Variants in GUCY1A1 observed in about 807,000 individuals in gnomAD.
GUCY1A1 encodes the protein guanylate cyclase soluble subunit alpha-1.
A neutral mutation model predicts 64.5 loss-of-function variants in GUCY1A1; 48 were observed. The ratio of observed to expected loss-of-function variants is 0.74; its 90% CI spans 0.59 to 0.95. The LOEUF is 0.95. GUCY1A1 is among the 40% of genes least tolerant of loss of function. The pLI, the probability that GUCY1A1 is intolerant of heterozygous loss-of-function variation, is 0.00. For missense variants in GUCY1A1, 804 were observed against 825.3 expected (o/e 0.97, Z 0.32); for synonymous variants, 308 against 303.4 (o/e 1.02, Z -0.16).
At position 155,734,183 on chromosome 4, in the gene GUCY1A1, G is replaced by C. The variant is rs981394571; in HGVS notation, c.*3952G>C. 6.6e-6 allele frequency among the ~76,000 whole-genome samples: 1 copy of C among 151,934 alleles called. No homozygotes were observed. Among genetic ancestry groups the C allele is most frequent in the Admixed American group, 6.6e-5 (1 of 15,228 alleles). Reference sequence around the variant, plus strand: ...TCTGTGGTAGGCCTAGCAAATGAAAGAGATGAATAAACAAGAGTGTCTAGT... The same window carrying C: ...TCTGTGGTAGGCCTAGCAAATGAAACAGATGAATAAACAAGAGTGTCTAGT... On this transcript the variant is annotated 3_prime_UTR_variant, in exon 10 of 10. Coordinates refer to ENST00000506455, the MANE Select transcript of GUCY1A1 (RefSeq NM_001130682.3).
At chr4:155,718,730 G>A (rs114751215) in intron 8 of GUCY1A1, among the ~76,000 whole-genome samples, 3 of 152,228 alleles carry the variant, frequency 2.0e-5, no homozygotes, top group Non-Finnish European at 2.9e-5. Context: ...ATGTCCCACT[G>A]AACAAGACTG....
chr4:155,718,993 G>A (rs1453052861), intron 8 of GUCY1A1, among the ~76,000 whole-genome samples: 1 of 151,914 alleles, frequency 6.6e-6, no homozygotes, highest in Non-Finnish European at 1.5e-5. Context: ...TTGTTTGAGG[G>A]GGCTTGTAGC....
At position 155,667,427 on chromosome 4, in the gene GUCY1A1, G is replaced by T. The variant is rs1337942364; in HGVS notation, c.-113+8G>T. On this transcript the variant is annotated splice_region_variant and intron_variant, in intron 2 of 9. Coordinates refer to ENST00000506455, the MANE Select transcript of GUCY1A1 (RefSeq NM_001130682.3). ...GGTGTGCGAAGCCACCAAGTAAGTG[G>T]TCGCTGCATCCCCACGCGGGTCGGG... The T allele has an allele frequency of 6.6e-6, 1 of 152,106 alleles. No individual in the cohort carries two copies. Among genetic ancestry groups the T allele is most frequent in the Non-Finnish European group, 1.5e-5 (1 of 68,046 alleles). The allele number at this position is 152,106 out of a possible 1,614,324, so 9.4% of individuals were successfully genotyped here. A position where few individuals can be genotyped will look rare whatever the true frequency, so the allele number is the denominator to read the frequency against.
At chr4:155,707,839 C>CCTTT (rs1553999141) in intron 4 of GUCY1A1, among the ~76,000 whole-genome samples, 33 of 143,248 alleles carry the variant, frequency 2.3e-4, no homozygotes, top group Non-Finnish European at 3.8e-4. Flanking sequence ...TTCTTTCTTT[C>CCTTT]TTTTTTTTTT....
intron 2 of GUCY1A1, among the ~76,000 whole-genome samples, chr4:155,682,007 T>A (rs1735841289): frequency 6.6e-6 from 1 of 152,168 alleles, no homozygotes; most frequent in Non-Finnish European, 1.5e-5. Context: ...CGGTGCTATA[T>A]CTTTCTACAC....
Position 155,698,554 on chromosome 4 carries a change from C to A in GUCY1A1, c.255+1432C>A, listed in dbSNP as rs192495196. On this transcript the variant is annotated intron_variant, in intron 3 of 9. Coordinates refer to ENST00000506455, the MANE Select transcript of GUCY1A1 (RefSeq NM_001130682.3). ...CTGAATCCTGTCCTTACTATGTTGG[C>A]TTTATCATTTTGTTTGGTAAATTTT... 1.4e-3 allele frequency among the ~76,000 whole-genome samples: 218 copies of A among 152,224 alleles called. 1 individual carries two copies. The highest frequency in any genetic ancestry group is 4.9e-3 in the African/African-American group (204 of 41,540).
intron 6 of GUCY1A1, 126 bp downstream of exon 6, chr4:155,711,377 A>C: frequency 1.8e-6 from 1 of 554,404 alleles, no homozygotes; most frequent in Non-Finnish European, 3.1e-6. Context: ...CAATGGTAAA[A>C]GAATTGTAAA....
chr4:155,670,134 T>C (rs1035233158), intron 2 of GUCY1A1, among the ~76,000 whole-genome samples: 1 of 152,232 alleles, frequency 6.6e-6, no homozygotes. Flanking sequence ...GCTTGGCTTT[T>C]ATTTGTGAGA....
intron 9 of GUCY1A1, among the ~76,000 whole-genome samples, chr4:155,723,440 G>A (rs1001778849): frequency 6.6e-5 from 10 of 151,918 alleles, no homozygotes; most frequent in South Asian, 2.1e-4. Context: ...ACCTTTAACC[G>A]GAAAATAAAC....
chr4:155,699,819 A>G (rs920154728), intron 3 of GUCY1A1, among the ~76,000 whole-genome samples: 1 of 152,188 alleles, frequency 6.6e-6, no homozygotes, highest in African/African-American at 2.4e-5. Flanking sequence ...TTTGTTTTAG[A>G]TAATCAGAAT....
chr4:155,719,320 C>T (rs889057887), intron 8 of GUCY1A1, among the ~76,000 whole-genome samples: 1 of 152,130 alleles, frequency 6.6e-6, no homozygotes, highest in Non-Finnish European at 1.5e-5. Flanking sequence ...TGAAACATCA[C>T]AGAGGCAGAG....
chr4:155,725,132 T>C (rs1178714251), intron 9 of GUCY1A1, among the ~76,000 whole-genome samples: 2 of 152,160 alleles, frequency 1.3e-5, no homozygotes, highest in African/African-American at 4.8e-5. Context: ...AATTGTCTTA[T>C]GCAGTATTTA....
rs138746481 is a variant in GUCY1A1 at position 155,715,471 on chromosome 4, G to A, written c.1573-1688G>A. ...ATCCAGCATTTGCCAGCATGGGTGCGCAGTGGCTACAGAGCTAGAGGGTAC... is the reference window on the plus strand; with the variant it reads ...ATCCAGCATTTGCCAGCATGGGTGCACAGTGGCTACAGAGCTAGAGGGTAC... On this transcript the variant is annotated intron_variant, in intron 7 of 9. Transcript: ENST00000506455. 2.2e-3 allele frequency among the ~76,000 whole-genome samples: 328 copies of A among 152,266 alleles called. 4 individuals carry two copies. The South Asian group carries it at 0.025, about 12-fold the overall frequency.
intron 2 of GUCY1A1, among the ~76,000 whole-genome samples, chr4:155,689,131 T>C (rs1234618525): frequency 6.6e-6 from 1 of 151,294 alleles, no homozygotes; most frequent in Non-Finnish European, 1.5e-5. Context: ...TTGACATTCC[T>C]GAAATGTACA....
At chr4:155,690,422 A>C (rs1029714244) in intron 2 of GUCY1A1, among the ~76,000 whole-genome samples, 3 of 152,128 alleles carry the variant, frequency 2.0e-5, no homozygotes, top group Non-Finnish European at 4.4e-5. Context: ...TCTACATTCC[A>C]AATAATCTTC....
intron 2 of GUCY1A1, among the ~76,000 whole-genome samples, chr4:155,683,878 G>A (rs1736170389): frequency 1.3e-5 from 2 of 152,142 alleles, no homozygotes; most frequent in African/African-American, 4.8e-5. Flanking sequence ...GCAGTGGCTG[G>A]TGGTCCACAA....
intron 2 of GUCY1A1, among the ~76,000 whole-genome samples, chr4:155,692,776 A>G (rs1729917812): frequency 6.6e-6 from 1 of 152,158 alleles, no homozygotes; most frequent in African/African-American, 2.4e-5. Context: ...ATTGAATTCT[A>G]GGATGGGCAT....
In GUCY1A1 at chr4:155,736,670, T is replaced by C. The variant is rs1160026985; in HGVS notation, c.*6439T>C. The C allele has an allele frequency of 6.6e-6, 1 of 151,992 alleles. No homozygotes were observed. The highest frequency in any genetic ancestry group is 1.5e-5 in the Non-Finnish European group (1 of 67,946). 9.4% of individuals were successfully genotyped at this position (151,992 alleles called of 1,614,324 possible). A position where few individuals can be genotyped will look rare whatever the true frequency, so the allele number is the denominator to read the frequency against. On this transcript the variant is annotated 3_prime_UTR_variant, in exon 10 of 10. Coordinates refer to ENST00000506455, the MANE Select transcript of GUCY1A1 (RefSeq NM_001130682.3). ...TTTTGGTCCTGATGTGTAAAATGATTCATGGGGTTTCACATACAGACAAGT... is the reference window on the plus strand; with the variant it reads ...TTTTGGTCCTGATGTGTAAAATGATCCATGGGGTTTCACATACAGACAAGT...
At chr4:155,667,826 C>A (rs111448145) in intron 2 of GUCY1A1, 31,507 of 152,008 alleles carry the variant, frequency 0.21, 3,561 homozygotes, top group Non-Finnish European at 0.23. Context: ...GGCGCGCCGG[C>A]AGGCAAGCGA....
Sources: allele counts gnomAD v4.1 joint callset (sites outside exome capture counted in the v4.1 genomes callset), GRCh38; gene constraint gnomAD v4.1.1; transcripts MANE v1.5; gene names NCBI Gene and HGNC (gene_info 2026-07-23, HGNC 2026-07-21).